The following AHCY variants were observed in gnomAD, a reference collection of about 807,000 sequenced individuals.
The protein encoded by AHCY is S-adenosyl-L-homocysteine hydrolase.
Under a neutral mutation model 45.4 loss-of-function variants are expected in AHCY, and 24 were observed. The observed-to-expected ratio is 0.53, with a 90% CI of 0.38 to 0.74. The LOEUF (loss-of-function observed/expected upper bound fraction) is 0.74. AHCY is among the 30% of genes least tolerant of loss of function. The pLI, the probability that AHCY is intolerant of heterozygous loss-of-function variation, is 0.00. For missense variants in AHCY, 449 were observed against 594.1 expected, an observed-to-expected ratio of 0.76 and a Z score of 2.54; for synonymous variants, 245 against 235.1, an observed-to-expected ratio of 1.04 and a Z score of -0.39.
At chr20:34,236,081 A>AGAAG in the AHCY span, among the ~76,000 whole-genome samples, 13 of 143,474 alleles carry the variant, frequency 9.1e-5, no homozygotes, top group East Asian at 2.1e-4. Context: ...AAAGAGAAAG[A>AGAAG]GAAGGAAGGA....
intron 8 of AHCY, chr20:34,285,957 T>G: frequency 9.1e-6 from 3 of 329,450 alleles, no homozygotes; most frequent in Non-Finnish European, 1.8e-5. Flanking sequence ...TACAAAAAAT[T>G]AGCCGGGCGT....
At chr20:34,309,231 A>T (rs972882420) in intron 1 of AHCY, among the ~76,000 whole-genome samples, 1 of 152,096 alleles carries the variant, frequency 6.6e-6, no homozygotes, top group African/African-American at 2.4e-5. Flanking sequence ...AAGTGTTGAG[A>T]TTACAGGCGT....
chr20:34,262,068 G>A, the AHCY span, among the ~76,000 whole-genome samples: 17 of 151,374 alleles, frequency 1.1e-4, no homozygotes, highest in East Asian at 2.7e-3. Context: ...AGCCGAGATC[G>A]CACCACTGTA....
upstream of AHCY, among the ~76,000 whole-genome samples, chr20:34,305,138 AC>A (rs1288063344): frequency 2.1e-5 from 3 of 144,622 alleles, no homozygotes; most frequent in African/African-American, 7.8e-5. Flanking sequence ...ACAGGGTAAA[AC>A]CCCATCTCTA....
downstream of AHCY, among the ~76,000 whole-genome samples, chr20:34,275,314 T>C (rs1245854736): frequency 6.6e-6 from 1 of 151,924 alleles, no homozygotes; most frequent in Non-Finnish European, 1.5e-5. Flanking sequence ...GTATTTTTAG[T>C]AGAGACGGGG....
At chr20:34,239,405 C>T in the AHCY span, among the ~76,000 whole-genome samples, 56 of 152,184 alleles carry the variant, frequency 3.7e-4, no homozygotes, top group East Asian at 0.01. Flanking sequence ...TTAGTAGAGA[C>T]GGGGTATCAC....
chr20:34,293,394 A>T (rs900428052), intron 3 of AHCY: 1 of 158,586 alleles, frequency 6.3e-6, no homozygotes, highest in Non-Finnish European at 1.4e-5. Flanking sequence ...AATAGTCTTA[A>T]GAATTGCAGT....
At chr20:34,271,050 T>C in the AHCY span, among the ~76,000 whole-genome samples, 1 of 152,182 alleles carries the variant, frequency 6.6e-6, no homozygotes, top group Non-Finnish European at 1.5e-5. Flanking sequence ...CTTGCCTCAC[T>C]GGAGCCTCCA....
At position 34,294,170 on chromosome 20, in the gene AHCY, CA is replaced by C; in HGVS notation, c.220-15del. ...GGACCACTGCACCTAGAAGAGCCAT[CA>C]AAACAAGGCTGTTGGTCACTGATGG... On this transcript the variant is annotated splice_polypyrimidine_tract_variant and intron_variant, in intron 2 of 9. Transcript: ENST00000217426. 6.2e-7 allele frequency: 1 copy of C among 1,612,072 alleles called. No homozygotes were observed. The highest frequency in any genetic ancestry group is 1.1e-5 in the South Asian group (1 of 90,878).
At chr20:34,268,888 C>CCTCTGGTCCGGGATCT in the AHCY span, 1 of 1,438,120 alleles carries the variant, frequency 7.0e-7, no homozygotes, top group Non-Finnish European at 9.5e-7. Context: ...AGCGGGGAAA[C>CCTCTGGTCCGGGATCT]CTCTGGTCCG....
intron 8 of AHCY, among the ~76,000 whole-genome samples, chr20:34,289,472 CTTT>C (rs762670836): frequency 2.8e-5 from 3 of 106,368 alleles, no homozygotes; most frequent in Non-Finnish European, 5.7e-5. Flanking sequence ...TGTACCTGGC[CTTT>C]TTTTTTTTTT....
the AHCY span, chr20:34,260,518 T>C: frequency 1.2e-6 from 2 of 1,612,846 alleles, 1 homozygote. Context: ...TGGATGTCCC[T>C]TCTGTCTCTA....
chr20:34,255,830 G>GCA, the AHCY span, among the ~76,000 whole-genome samples: 1 of 152,178 alleles, frequency 6.6e-6, no homozygotes, highest in Non-Finnish European at 1.5e-5. Context: ...GTGGACCTTG[G>GCA]TCTAGTGGTA....
intron 1 of AHCY, chr20:34,302,427 G>T: frequency 5.2e-6 from 1 of 191,190 alleles, no homozygotes; most frequent in Non-Finnish European, 9.6e-6. Context: ...CAGAGATCTA[G>T]ATGGCCTGCG....
chr20:34,267,459 C>CAAAA, the AHCY span, among the ~76,000 whole-genome samples: 7,167 of 46,042 alleles, frequency 0.16, 762 homozygotes, highest in East Asian at 0.22. Flanking sequence ...AACTGGCTCT[C>CAAAA]AAAAAAAAAA....
chr20:34,243,686 C>A, the AHCY span, among the ~76,000 whole-genome samples: 1 of 150,214 alleles, frequency 6.7e-6, no homozygotes, highest in Non-Finnish European at 1.5e-5. Context: ...TAGTAGAATT[C>A]ACAGTTAATG....
At chr20:34,262,330 C>G in the AHCY span, among the ~76,000 whole-genome samples, 2 of 152,080 alleles carry the variant, frequency 1.3e-5, no homozygotes, top group African/African-American at 4.8e-5. Context: ...AGTAAGTTAC[C>G]CACAGCCACA....
At chr20:34,262,794 G>A in the AHCY span, 56 of 1,612,498 alleles carry the variant, frequency 3.5e-5, no homozygotes, top group Admixed American at 6.7e-5. Context: ...AACGTCCCCA[G>A]AAACATCTGA....
At chr20:34,301,242 G>A (rs757743127) in intron 1 of AHCY, among the ~76,000 whole-genome samples, 6 of 152,068 alleles carry the variant, frequency 3.9e-5, no homozygotes, top group Non-Finnish European at 7.4e-5. Context: ...GGAGGGGCCC[G>A]GCTGTATGGG....
Sources: allele counts gnomAD v4.1 joint callset (sites outside exome capture counted in the v4.1 genomes callset), GRCh38; gene constraint gnomAD v4.1.1; transcripts MANE v1.5; gene names NCBI Gene and HGNC (gene_info 2026-07-23, HGNC 2026-07-21).